HTR4: variants seen among roughly 807,000 people sequenced by gnomAD.
HTR4 encodes 5-hydroxytryptamine receptor 4, also known as 5-hydroxytryptamine (serotonin) receptor 4, G protein-coupled.
A neutral mutation model predicts 36.8 loss-of-function variants in HTR4; 16 were observed. The observed-to-expected ratio is 0.43, with a 90% CI of 0.29 to 0.66. The LOEUF (loss-of-function observed/expected upper bound fraction) is 0.66. HTR4 is among the 30% of genes least tolerant of loss of function. The pLI is 0.13. For synonymous variants in HTR4, 189 were observed against 185.1 expected, an observed-to-expected ratio of 1.02 and a Z score of -0.17; for missense variants, 438 against 490.9, an observed-to-expected ratio of 0.89 and a Z score of 1.02.
intron 2 of HTR4, among the ~76,000 whole-genome samples, chr5:148,603,886 C>T (rs373100873): frequency 4.6e-5 from 7 of 151,900 alleles, no homozygotes; most frequent in Non-Finnish European, 8.8e-5. Flanking sequence ...TAGCCCCACC[C>T]GTAATCATCA....
chr5:148,602,853 T>G (rs1581531716), intron 2 of HTR4, among the ~76,000 whole-genome samples: 1 of 152,090 alleles, frequency 6.6e-6, no homozygotes, highest in Non-Finnish European at 1.5e-5. Flanking sequence ...AATAAACATG[T>G]AAGCAACTGA....
chr5:148,586,717 G>A (rs1348161920), intron 2 of HTR4, among the ~76,000 whole-genome samples: 1 of 152,180 alleles, frequency 6.6e-6, no homozygotes, highest in South Asian at 2.1e-4. Context: ...CTTGCCTTGA[G>A]ATCTAATTGA....
At chr5:148,611,824 T>G (rs1384886237) in intron 2 of HTR4, among the ~76,000 whole-genome samples, 2 of 150,240 alleles carry the variant, frequency 1.3e-5, no homozygotes, top group Non-Finnish European at 3.0e-5. Flanking sequence ...AATAAAAGGA[T>G]GGAGGAAGAT....
At chr5:148,466,353 C>T (rs1168682084) in intron 5 of HTR4, among the ~76,000 whole-genome samples, 1 of 152,200 alleles carries the variant, frequency 6.6e-6, no homozygotes, top group Non-Finnish European at 1.5e-5. Flanking sequence ...CAATGTGATA[C>T]TCCCTTTCCT....
At chr5:148,538,295 C>T (rs1758929305) in intron 4 of HTR4, among the ~76,000 whole-genome samples, 1 of 152,152 alleles carries the variant, frequency 6.6e-6, no homozygotes, top group African/African-American at 2.4e-5. Context: ...ATGGCAAAAG[C>T]TGGAAGCATT....
chr5:148,625,396 T>G (rs1224881824), intron 2 of HTR4, among the ~76,000 whole-genome samples: 2 of 152,212 alleles, frequency 1.3e-5, no homozygotes, highest in African/African-American at 4.8e-5. Context: ...GATAGAAGCA[T>G]GTCAAAATTA....
intron 1 of HTR4, among the ~76,000 whole-genome samples, chr5:148,644,525 G>T (rs1304898525): frequency 3.1e-5 from 4 of 129,030 alleles, no homozygotes; most frequent in Non-Finnish European, 6.2e-5. Context: ...AATGCACATT[G>T]TTAATTTGGC....
intron 2 of HTR4, among the ~76,000 whole-genome samples, chr5:148,635,907 T>C (rs149606986): frequency 3.4e-3 from 525 of 152,324 alleles, no homozygotes; most frequent in Admixed American, 6.6e-3. Context: ...CACACACTTT[T>C]ATTGAGAGTG....
At chr5:148,522,756 T>C (rs7710941) in intron 5 of HTR4, among the ~76,000 whole-genome samples, 25,991 of 151,908 alleles carry the variant, frequency 0.17, 3,824 homozygotes, top group African/African-American at 0.39. Flanking sequence ...AAATTACCAA[T>C]AGAAAACATC....
rs200189361 is a variant in HTR4, at chr5:148,637,076, G to A, written c.-47-15C>T. On this transcript the variant is annotated splice_polypyrimidine_tract_variant and intron_variant, in intron 1 of 6. Transcript: ENST00000377888. ...CCCACAGGGTCCTAAAATGGGGGAA[G>A]TAAAAAGATGTTATAAAAGAAAGCA... 1.9e-6 allele frequency: 3 copies of A among 1,544,836 alleles called. No individual in the cohort carries two copies. Among genetic ancestry groups the A allele is most frequent in the Non-Finnish European group, 2.7e-6 (3 of 1,121,420 alleles).
chr5:148,495,267 AT>A (rs1181039367), intron 6 of HTR4, among the ~76,000 whole-genome samples: 1 of 152,216 alleles, frequency 6.6e-6, no homozygotes, highest in Non-Finnish European at 1.5e-5. Flanking sequence ...TTATTTTGTT[AT>A]TTTGACAATG....
At chr5:148,637,441 G>A (rs1753584506) in intron 1 of HTR4, among the ~76,000 whole-genome samples, 1 of 152,026 alleles carries the variant, frequency 6.6e-6, no homozygotes, top group Non-Finnish European at 1.5e-5. Flanking sequence ...TGGCCATTTT[G>A]TTCCTATGAG....
intron 2 of HTR4, among the ~76,000 whole-genome samples, chr5:148,597,131 C>T (rs1171260598): frequency 6.6e-6 from 1 of 152,188 alleles, no homozygotes; most frequent in Admixed American, 6.5e-5. Context: ...TAGAAGTAAT[C>T]TCCTATCCTC....
chr5:148,545,437 T>G (rs1465803720), intron 4 of HTR4, among the ~76,000 whole-genome samples: 1 of 152,262 alleles, frequency 6.6e-6, no homozygotes, highest in Non-Finnish European at 1.5e-5. Flanking sequence ...GGCAGGGATC[T>G]TGCCCTTGTT....
At chr5:148,467,282 A>C (rs1351682222) in intron 5 of HTR4, among the ~76,000 whole-genome samples, 1 of 152,328 alleles carries the variant, frequency 6.6e-6, no homozygotes, top group African/African-American at 2.4e-5. Context: ...TATATATGTT[A>C]TTTTATTAGA....
At position 148,509,489 on chromosome 5, in the gene HTR4, G is replaced by T. The variant is rs570783414; in HGVS notation, c.1043C>A (p.Thr348Asn). 3 of 1,612,818 alleles carry T rather than the reference G, an allele frequency of 1.9e-6. No homozygotes were observed. In the South Asian group the frequency reaches 3.3e-5, roughly 18 times the overall value. Residue 348 changes from threonine to asparagine, a missense_variant, in exon 6 of 7, where the codon ACC becomes AAC. Thr to Asn is a moderately conservative substitution (Grantham distance 65). Transcript: ENST00000377888. The stretch of plus-strand genomic sequence containing the variant: ...ATGTGTGGATCCATTAATGGTTGTG[G>T]TTGAACAAGGGACAGTCTGGCCCAG... ...SILGQTVPCSTTTINGSTHVL... is the reference protein window; with the variant it reads ...SILGQTVPCSNTTINGSTHVL...
At position 148,456,678 on chromosome 5, in the gene HTR4, A is replaced by G. The variant is rs143728863; in HGVS notation, c.1077-5406T>C. 2.6e-3 allele frequency among the ~76,000 whole-genome samples: 400 copies of G among 152,302 alleles called. 2 individuals are homozygous for G. The highest frequency in any genetic ancestry group is 9.3e-3 in the African/African-American group (385 of 41,578). ...TGGTAAGTAAGACGAGATTCAGAAA[A>G]TGTGAGTTTCCTAGGCTCAAAGAAA... On this transcript the variant is annotated intron_variant, in intron 5 of 5. Transcript: ENST00000521530.
chr5:148,452,929 C>T (rs1755008578), intron 5 of HTR4, among the ~76,000 whole-genome samples: 1 of 152,238 alleles, frequency 6.6e-6, no homozygotes, highest in African/African-American at 2.4e-5. Context: ...CGTAGATGCT[C>T]AGCCTCCAAA....
chr5:148,638,325 A>C (rs1244700719), intron 1 of HTR4, among the ~76,000 whole-genome samples: 3 of 152,224 alleles, frequency 2.0e-5, no homozygotes, highest in African/African-American at 7.2e-5. Flanking sequence ...CTCTGTCCAC[A>C]TCTGTCTGTT....
Sources: allele counts gnomAD v4.1 joint callset (sites outside exome capture counted in the v4.1 genomes callset), GRCh38; gene constraint gnomAD v4.1.1; transcripts MANE v1.5; gene names NCBI Gene and HGNC (gene_info 2026-07-23, HGNC 2026-07-21).